Variants in CCNY observed in about 807,000 individuals in gnomAD.
The protein encoded by CCNY is cyclin-Y.
In CCNY, 19 loss-of-function variants were observed where a neutral mutation model predicts 42.8. That is an observed-to-expected ratio of 0.44 (90% CI 0.31 to 0.65). The LOEUF is 0.65. Ranked by LOEUF, CCNY falls within the 30% of genes least tolerant of loss-of-function variation. The pLI, the probability that CCNY is intolerant of heterozygous loss-of-function variation, is 0.07. For missense variants in CCNY, 370 were observed against 437.3 expected, an observed-to-expected ratio of 0.85 and a Z score of 1.37; for synonymous variants, 165 against 162.7, an observed-to-expected ratio of 1.01 and a Z score of -0.11.
chr10:35,414,144 C>G (rs114650842), intron 1 of CCNY, among the ~76,000 whole-genome samples: 1 of 152,206 alleles, frequency 6.6e-6, no homozygotes, highest in South Asian at 2.1e-4. Flanking sequence ...CACACATTGA[C>G]TCTATCACAG....
At chr10:35,403,319 G>A (rs915366328) in intron 1 of CCNY, among the ~76,000 whole-genome samples, 2 of 152,224 alleles carry the variant, frequency 1.3e-5, no homozygotes, top group African/African-American at 4.8e-5. Flanking sequence ...GGCTTGTGAG[G>A]CTGGAAGGAG....
intron 1 of CCNY, among the ~76,000 whole-genome samples, chr10:35,353,830 A>C (rs550174617): frequency 1.3e-5 from 2 of 152,372 alleles, no homozygotes; most frequent in Admixed American, 6.5e-5. Flanking sequence ...AAAGCTGTAC[A>C]AGAAATTACC....
chr10:35,534,194 C>A (rs923657998), intron 7 of CCNY, among the ~76,000 whole-genome samples: 1 of 151,848 alleles, frequency 6.6e-6, no homozygotes, highest in Non-Finnish European at 1.5e-5. Context: ...GCTAATTTTT[C>A]TTGAATTTTT....
chr10:35,494,243 C>CG (rs1051666279), intron 2 of CCNY, among the ~76,000 whole-genome samples: 14 of 145,916 alleles, frequency 9.6e-5, no homozygotes, highest in African/African-American at 3.1e-4. Context: ...GACCCCCCCC[C>CG]CCATTTCTAC....
intron 7 of CCNY, among the ~76,000 whole-genome samples, chr10:35,539,714 G>C (rs1211145446): frequency 6.6e-6 from 1 of 152,186 alleles, no homozygotes; most frequent in East Asian, 1.9e-4. Context: ...TTGAACCCGG[G>C]AGGCAGAGGT....
chr10:35,508,498 G>T (rs932720004), intron 3 of CCNY, among the ~76,000 whole-genome samples: 2 of 152,166 alleles, frequency 1.3e-5, no homozygotes, highest in African/African-American at 4.8e-5. Context: ...CATTTCTCCA[G>T]GGAGTCCTGA....
intron 1 of CCNY, among the ~76,000 whole-genome samples, chr10:35,454,079 T>C (rs936243944): frequency 4.6e-5 from 7 of 152,192 alleles, no homozygotes; most frequent in African/African-American, 1.7e-4. Flanking sequence ...GAGGAACACA[T>C]GGCTTATTTC....
chr10:35,473,773 G>A (rs1011820719), intron 1 of CCNY, among the ~76,000 whole-genome samples: 2 of 152,072 alleles, frequency 1.3e-5, no homozygotes, highest in Non-Finnish European at 2.9e-5. Context: ...TCATAAAAAT[G>A]TGTTCCTTGG....
At chr10:35,543,846 A>C (rs528907883) in intron 7 of CCNY, among the ~76,000 whole-genome samples, 1 of 152,338 alleles carries the variant, frequency 6.6e-6, no homozygotes, top group African/African-American at 2.4e-5. Flanking sequence ...GGCGGAAAAC[A>C]GCGATATTGA....
intron 1 of CCNY, among the ~76,000 whole-genome samples, chr10:35,404,373 A>C (rs1837711220): frequency 6.6e-6 from 1 of 151,972 alleles, no homozygotes; most frequent in Admixed American, 6.6e-5. Flanking sequence ...AGTTAGGGAG[A>C]GCTAGTGTGG....
At chr10:35,374,904 A>G (rs983864735) in intron 1 of CCNY, among the ~76,000 whole-genome samples, 2 of 152,208 alleles carry the variant, frequency 1.3e-5, no homozygotes, top group African/African-American at 4.8e-5. Flanking sequence ...AAGTGATACT[A>G]TGCAGCTTCT....
At chr10:35,265,180 G>A (rs559458509) in intron 3 of CCNY, among the ~76,000 whole-genome samples, 1 of 152,200 alleles carries the variant, frequency 6.6e-6, no homozygotes, top group African/African-American at 2.4e-5. Flanking sequence ...AAATATTTGG[G>A]GACTGCCTAC....
At chr10:35,529,727 G>A (rs546441187) in intron 5 of CCNY, among the ~76,000 whole-genome samples, 4 of 151,672 alleles carry the variant, frequency 2.6e-5, no homozygotes, top group East Asian at 1.9e-4. Flanking sequence ...AAAATTAGCC[G>A]GGTGTGGTGT....
At chr10:35,423,533 C>T (rs1439335863) in intron 1 of CCNY, among the ~76,000 whole-genome samples, 2 of 148,280 alleles carry the variant, frequency 1.3e-5, no homozygotes, top group African/African-American at 2.5e-5. Context: ...GGTGGGGAGA[C>T]GTACATTGAG....
At chr10:35,403,971 A>G (rs1017910034) in intron 1 of CCNY, among the ~76,000 whole-genome samples, 1 of 137,150 alleles carries the variant, frequency 7.3e-6, no homozygotes, top group Non-Finnish European at 1.6e-5. Flanking sequence ...ACATACAGTC[A>G]TGGGGGTCAG....
intron 1 of CCNY, among the ~76,000 whole-genome samples, chr10:35,358,584 GACCACTTCTTGT>G (rs1836613248): frequency 6.6e-6 from 1 of 152,186 alleles, no homozygotes; most frequent in South Asian, 2.1e-4. Context: ...TGCCATTTAT[GACCACTTCTTGT>G]CAAGCTCACA....
intron 1 of CCNY, among the ~76,000 whole-genome samples, chr10:35,406,233 A>T (rs964921937): frequency 9.9e-4 from 98 of 99,214 alleles, no homozygotes; most frequent in African/African-American, 1.2e-3. Context: ...TTATTTATTT[A>T]TTTATTTATT....
intron 1 of CCNY, among the ~76,000 whole-genome samples, chr10:35,395,556 G>C (rs542149222): frequency 2.0e-5 from 3 of 152,008 alleles, no homozygotes; most frequent in Non-Finnish European, 4.4e-5. Flanking sequence ...AGTAGAGGAC[G>C]AGGAACACAT....
intron 1 of CCNY, among the ~76,000 whole-genome samples, chr10:35,456,868 G>A (rs1439480899): frequency 6.6e-6 from 1 of 152,124 alleles, no homozygotes; most frequent in Admixed American, 6.5e-5. Context: ...AATCAGAGAC[G>A]TGGCCTAGAA....
Sources: allele counts gnomAD v4.1 joint callset (sites outside exome capture counted in the v4.1 genomes callset), GRCh38; gene constraint gnomAD v4.1.1; transcripts MANE v1.5; gene names NCBI Gene and HGNC (gene_info 2026-07-23, HGNC 2026-07-21).